Variants in KHDRBS3 observed in about 807,000 individuals in gnomAD.
KHDRBS3 encodes KH RNA binding domain containing, signal transduction associated 3.
KHDRBS3 carries 23 observed loss-of-function variants against 45.6 expected under a neutral mutation model. That is an observed-to-expected ratio of 0.50 (90% CI 0.36 to 0.72). The LOEUF (loss-of-function observed/expected upper bound fraction) is 0.72. KHDRBS3 is among the 30% of genes least tolerant of loss of function. KHDRBS3 has a pLI of 0.00. For synonymous variants in KHDRBS3, 162 were observed against 156.5 expected (o/e 1.04, Z -0.26); for missense variants, 352 against 424.8 (o/e 0.83, Z 1.51).
At chr8:135,556,320 C>T (rs1826884071) in intron 4 of KHDRBS3, among the ~76,000 whole-genome samples, 1 of 152,178 alleles carries the variant, frequency 6.6e-6, no homozygotes, top group African/African-American at 2.4e-5. Flanking sequence ...CACTGTCTTC[C>T]ATGTAGTTGA....
chr8:135,592,349 G>A (rs1185380140), intron 6 of KHDRBS3, among the ~76,000 whole-genome samples: 1 of 152,114 alleles, frequency 6.6e-6, no homozygotes, highest in African/African-American at 2.4e-5. Flanking sequence ...TGGAAAGCAA[G>A]TTGTGCTGTC....
chr8:135,581,514 A>T (rs1444612116), intron 5 of KHDRBS3, among the ~76,000 whole-genome samples: 1 of 152,134 alleles, frequency 6.6e-6, no homozygotes, highest in Non-Finnish European at 1.5e-5. Flanking sequence ...CCTTGTCCTG[A>T]GATAAGCAAG....
At chr8:135,651,411 A>G (rs1319361388), downstream of KHDRBS3, among the ~76,000 whole-genome samples, 1 of 152,066 alleles carries the variant, frequency 6.6e-6, no homozygotes, top group Non-Finnish European at 1.5e-5. Flanking sequence ...TGGTTGCTAT[A>G]TGTAAATATT....
intron 1 of KHDRBS3, among the ~76,000 whole-genome samples, chr8:135,498,552 C>T (rs1823576060): frequency 6.6e-6 from 1 of 152,112 alleles, no homozygotes; most frequent in Admixed American, 6.5e-5. Flanking sequence ...GGCTTCCTTC[C>T]CTGCCTGCTT....
At chr8:135,638,820 AC>A (rs1379278463) in intron 7 of KHDRBS3, among the ~76,000 whole-genome samples, 1 of 151,654 alleles carries the variant, frequency 6.6e-6, no homozygotes, top group Non-Finnish European at 1.5e-5. Flanking sequence ...TGGTGGTGGC[AC>A]GCGCCTATAG....
At chr8:135,555,568 A>G (rs542749700) in intron 4 of KHDRBS3, among the ~76,000 whole-genome samples, 2 of 152,182 alleles carry the variant, frequency 1.3e-5, no homozygotes, top group Admixed American at 6.5e-5. Flanking sequence ...TATAACATGA[A>G]GTATGTGGGG....
intron 7 of KHDRBS3, among the ~76,000 whole-genome samples, chr8:135,643,848 A>C (rs1326642382): frequency 3.3e-5 from 5 of 152,176 alleles, no homozygotes; most frequent in African/African-American, 9.6e-5. Flanking sequence ...TTACTATCCG[A>C]GGCCGGGGGT....
chr8:135,566,898 T>C (rs1401326736), intron 5 of KHDRBS3, among the ~76,000 whole-genome samples: 1 of 152,160 alleles, frequency 6.6e-6, no homozygotes, highest in East Asian at 1.9e-4. Context: ...CAGACATGCA[T>C]ATTACAAAGC....
intron 1 of KHDRBS3, among the ~76,000 whole-genome samples, chr8:135,479,387 A>G (rs1822453858): frequency 6.6e-6 from 1 of 152,212 alleles, no homozygotes; most frequent in African/African-American, 2.4e-5. Flanking sequence ...AAAATTCTTA[A>G]TTCTTCACAA....
At chr8:135,544,368 T>A (rs1384036676) in intron 3 of KHDRBS3, among the ~76,000 whole-genome samples, 2 of 152,152 alleles carry the variant, frequency 1.3e-5, no homozygotes, top group Non-Finnish European at 2.9e-5. Context: ...TATGCCCGAG[T>A]TAACAGCAAG....
At chr8:135,553,217 A>G (rs1826701090) in intron 4 of KHDRBS3, among the ~76,000 whole-genome samples, 3 of 152,046 alleles carry the variant, frequency 2.0e-5, no homozygotes. Flanking sequence ...AGACTCTCAT[A>G]TTTCTTACCT....
intron 6 of KHDRBS3, among the ~76,000 whole-genome samples, chr8:135,589,655 A>T (rs1447783808): frequency 1.3e-5 from 2 of 152,206 alleles, no homozygotes; most frequent in Non-Finnish European, 2.9e-5. Context: ...CCTTTAACAA[A>T]TTATACCCAC....
intron 1 of KHDRBS3, among the ~76,000 whole-genome samples, chr8:135,482,460 C>G (rs905826258): frequency 6.6e-6 from 1 of 152,044 alleles, no homozygotes; most frequent in East Asian, 1.9e-4. Context: ...CTCTTGGTTA[C>G]CAGACTGGTT....
intron 5 of KHDRBS3, among the ~76,000 whole-genome samples, chr8:135,577,760 A>C (rs1312596128): frequency 6.6e-6 from 1 of 152,228 alleles, no homozygotes; most frequent in Admixed American, 6.5e-5. Flanking sequence ...TAAAAACCTA[A>C]GAATACAACT....
chr8:135,475,452 C>G (rs534720085), intron 1 of KHDRBS3, among the ~76,000 whole-genome samples: 2 of 151,838 alleles, frequency 1.3e-5, no homozygotes, highest in African/African-American at 4.8e-5. Context: ...ACTGAGATTA[C>G]AAGAGCCCAC....
At chr8:135,638,917 C>T (rs553508642) in intron 7 of KHDRBS3, among the ~76,000 whole-genome samples, 2 of 150,006 alleles carry the variant, frequency 1.3e-5, no homozygotes, top group Non-Finnish European at 3.0e-5. Flanking sequence ...GCCAAGAGCG[C>T]GCCACTGCAC....
intron 1 of KHDRBS3, among the ~76,000 whole-genome samples, chr8:135,494,273 ATTTTTTTTTTT>A (rs386414089): frequency 5.1e-5 from 4 of 78,624 alleles, no homozygotes; most frequent in Non-Finnish European, 6.6e-5. Context: ...TGTTTCTCTT[ATTTTTTTTTTT>A]TTTTTTTTTT....
intron 2 of KHDRBS3, among the ~76,000 whole-genome samples, chr8:135,529,852 A>C (rs1393221174): frequency 6.6e-6 from 1 of 152,010 alleles, no homozygotes; most frequent in Non-Finnish European, 1.5e-5. Context: ...CGAGGTCAGG[A>C]GATTGAGACC....
intron 1 of KHDRBS3, among the ~76,000 whole-genome samples, chr8:135,509,966 C>T (rs7819585): frequency 0.66 from 85,150 of 128,780 alleles, 27,993 homozygotes; most frequent in East Asian, 0.92. Flanking sequence ...AATTTTCTTT[C>T]CCCCCCCCTT....
Sources: gnomAD v4.1 joint callset for allele counts (sites outside exome capture counted in the v4.1 genomes callset) on GRCh38, gnomAD v4.1.1 for gene constraint, MANE v1.5 for transcripts, NCBI Gene and HGNC (gene_info 2026-07-23, HGNC 2026-07-21) for gene names.